The following PPP2R1B variants were observed in gnomAD, a reference collection of about 807,000 sequenced individuals.
PPP2R1B encodes the protein serine/threonine-protein phosphatase 2A 65 kDa regulatory subunit A beta isoform.
PPP2R1B carries 58 observed loss-of-function variants against 72.7 expected under a neutral mutation model. The observed-to-expected ratio is 0.80, with a 90% CI of 0.65 to 0.99. The LOEUF (loss-of-function observed/expected upper bound fraction) is 0.99. Among genes scored for constraint, PPP2R1B ranks in the 50% least tolerant of loss-of-function variants. The pLI, the probability that PPP2R1B is intolerant of heterozygous loss-of-function variation, is 0.00. For synonymous variants in PPP2R1B, 256 were observed against 264.6 expected, an observed-to-expected ratio of 0.97 and a Z score of 0.32; for missense variants, 695 against 733.6, an observed-to-expected ratio of 0.95 and a Z score of 0.61.
chr11:111,711,062 G>A, the PPP2R1B span, among the ~76,000 whole-genome samples: 3 of 152,014 alleles, frequency 2.0e-5, no homozygotes, highest in Admixed American at 2.0e-4. Flanking sequence ...TCATTCAGCA[G>A]CTTCATCTTT....
chr11:111,764,793 A>G lies in PPP2R1B; in HGVS notation c.306+12T>C, dbSNP rs368332602. On this transcript the variant is annotated intron_variant, in intron 3 of 14. Transcript: ENST00000527614. ...GTTGTAGAAGGAGGGTAGGCAGCTTATAAATACTCACCAGCAGACAGTGGG... is the reference window on the plus strand; with the variant it reads ...GTTGTAGAAGGAGGGTAGGCAGCTTGTAAATACTCACCAGCAGACAGTGGG... 8 of 1,613,318 alleles carry G rather than the reference A, an allele frequency of 5.0e-6. No homozygotes were observed. In the East Asian group the frequency reaches 1.8e-4, roughly 36 times the overall value.
chr11:111,715,657 G>A, the PPP2R1B span, among the ~76,000 whole-genome samples: 1 of 152,162 alleles, frequency 6.6e-6, no homozygotes, highest in Non-Finnish European at 1.5e-5. Flanking sequence ...AACAGGAACT[G>A]AGATCCACAG....
At chr11:111,724,601 T>A (rs1943912027), downstream of PPP2R1B, 1 of 160,596 alleles carries the variant, frequency 6.2e-6, no homozygotes, top group Admixed American at 5.9e-5. Flanking sequence ...CATCAGGAAA[T>A]CAGATGCACA....
chr11:111,723,635 C>G, downstream of PPP2R1B: 5 of 1,614,172 alleles, frequency 3.1e-6, no homozygotes, highest in Non-Finnish European at 4.2e-6. Flanking sequence ...ACCGCCTTCT[C>G]AGCAGGCCCC....
At chr11:111,752,097 T>G in intron 10 of PPP2R1B, 62 bp downstream of exon 10, 1 of 1,489,766 alleles carries the variant, frequency 6.7e-7, no homozygotes. Flanking sequence ...GCCTCCTACT[T>G]GCCATGGTAA....
Position 111,741,564 on chromosome 11 carries a change from T to G in PPP2R1B, c.*32A>C, listed in dbSNP as rs184313104. On this transcript the variant is annotated 3_prime_UTR_variant, in exon 15 of 15. Transcript: ENST00000527614. ...ATTGACTAGAAATTTGTGACAAGAATCTAGTAAAGGCCTTTTCCCTCCTGC... is the reference window on the plus strand; with the variant it reads ...ATTGACTAGAAATTTGTGACAAGAAGCTAGTAAAGGCCTTTTCCCTCCTGC... The G allele has an allele frequency of 8.5e-5, 136 of 1,608,200 alleles. No individual in the cohort carries two copies. The East Asian group carries it at 3.0e-3, about 35-fold the overall frequency.
intron 11 of PPP2R1B, among the ~76,000 whole-genome samples, chr11:111,745,425 A>T (rs1369613516): frequency 1.3e-5 from 2 of 152,198 alleles, no homozygotes; most frequent in African/African-American, 4.8e-5. Context: ...CTCTACTGCC[A>T]GAAAAACCAG....
At chr11:111,766,161 G>T in intron 1 of PPP2R1B, 87 bp downstream of exon 1, 2 of 1,337,914 alleles carry the variant, frequency 1.5e-6, no homozygotes, top group Non-Finnish European at 1.1e-6. Flanking sequence ...CAGTACCTCG[G>T]CCACCCCCAC....
At chr11:111,724,390 C>A (rs144049128), downstream of PPP2R1B, 24 of 508,684 alleles carry the variant, frequency 4.7e-5, no homozygotes, top group African/African-American at 1.5e-4. Context: ...GGAGCAAGCT[C>A]TCGAGGGCAG....
chr11:111,709,436 C>T, the PPP2R1B span, among the ~76,000 whole-genome samples: 1 of 152,164 alleles, frequency 6.6e-6, no homozygotes, highest in African/African-American at 2.4e-5. Flanking sequence ...GGAATAGCAA[C>T]GATTTTCCCA....
the PPP2R1B span, among the ~76,000 whole-genome samples, chr11:111,714,340 A>G: frequency 6.6e-6 from 1 of 152,236 alleles, no homozygotes; most frequent in South Asian, 2.1e-4. Flanking sequence ...ATATGGGGAT[A>G]GGGTTTGGTA....
At chr11:111,724,178 C>T, downstream of PPP2R1B, 1 of 1,550,484 alleles carries the variant, frequency 6.4e-7, no homozygotes, top group East Asian at 2.3e-5. Flanking sequence ...AGTGTATGTT[C>T]CTATTTTTAT....
At chr11:111,712,116 T>C in the PPP2R1B span, 1 of 1,253,060 alleles carries the variant, frequency 8.0e-7, no homozygotes, top group African/African-American at 1.5e-5. Context: ...CATTCTTTAA[T>C]TGCCACAGGA....
At chr11:111,763,800 A>G (rs934320298) in intron 3 of PPP2R1B, among the ~76,000 whole-genome samples, 6 of 152,252 alleles carry the variant, frequency 3.9e-5, no homozygotes, top group Admixed American at 2.6e-4. Flanking sequence ...CCTGTTTGAC[A>G]TACAAGTAGA....
At chr11:111,733,057 G>A (rs1429401793), downstream of PPP2R1B, among the ~76,000 whole-genome samples, 1 of 152,178 alleles carries the variant, frequency 6.6e-6, no homozygotes, top group African/African-American at 2.4e-5. Context: ...AGACACAGGG[G>A]CCACTGGCAC....
At chr11:111,712,723 A>G in the PPP2R1B span, among the ~76,000 whole-genome samples, 8 of 152,222 alleles carry the variant, frequency 5.3e-5, no homozygotes, top group Admixed American at 5.2e-4. Flanking sequence ...TTAATGCTGA[A>G]AACAAAAAAA....
chr11:111,710,090 T>C, the PPP2R1B span, among the ~76,000 whole-genome samples: 1 of 152,258 alleles, frequency 6.6e-6, no homozygotes, highest in East Asian at 1.9e-4. Context: ...TCTTCAGTTT[T>C]ATCCTTTGAT....
At chr11:111,694,863 C>T in the PPP2R1B span, among the ~76,000 whole-genome samples, 1 of 151,938 alleles carries the variant, frequency 6.6e-6, no homozygotes, top group Non-Finnish European at 1.5e-5. Flanking sequence ...TATTTATTTG[C>T]TTCTTAGCTC....
intron 3 of PPP2R1B, 127 bp from the exon 4 acceptor site, chr11:111,761,178 A>G (rs1945312735): frequency 1.2e-6 from 1 of 843,342 alleles, no homozygotes; most frequent in South Asian, 1.4e-5. Context: ...GCATCATACC[A>G]AATGGTTACT....
Sources: gnomAD v4.1 joint callset for allele counts (sites outside exome capture counted in the v4.1 genomes callset) on GRCh38, gnomAD v4.1.1 for gene constraint, MANE v1.5 for transcripts, NCBI Gene and HGNC (gene_info 2026-07-23, HGNC 2026-07-21) for gene names.